ARG1: variants seen among roughly 807,000 people sequenced by gnomAD.
The protein encoded by ARG1 is arginase 1, also known as arginase-1.
Under a neutral mutation model 33.0 loss-of-function variants are expected in ARG1, and 20 were observed. That is an observed-to-expected ratio of 0.61 (90% confidence interval 0.43 to 0.88). The LOEUF is 0.88. Among genes scored for constraint, ARG1 ranks in the 40% least tolerant of loss-of-function variants. The probability of loss-of-function intolerance (pLI) is 0.00; values close to 1 mark genes in which losing one functional copy is unlikely to be tolerated. For missense variants in ARG1, 374 were observed against 384.7 expected (o/e 0.97, Z 0.23); for synonymous variants, 146 against 140.6 (o/e 1.04, Z -0.27).
At chr6:131,574,076 C>T in intron 1 of ARG1, 4 of 612,268 alleles carry the variant, frequency 6.5e-6, no homozygotes, top group Admixed American at 5.2e-5. Flanking sequence ...TTTTTTTCTG[C>T]CTGGGCACAC....
chr6:131,583,899 A>C lies in ARG1; in HGVS notation c.960A>C (p.Pro320=). The part of the protein sequence containing the change: ...GNHKPIDYLN[P]PK ...ACAAGCCTATTGACTACCTTAACCC[A>C]CCTAAGTAAATGTGGAAACATCCGA... Residue 320 remains proline, a synonymous_variant, in exon 8 of 8, where the codon CCA becomes CCC. Transcript: ENST00000368087. 1 of 1,614,018 alleles carries C rather than the reference A, an allele frequency of 6.2e-7. No individual in the cohort carries two copies. Among genetic ancestry groups the C allele is most frequent in the South Asian group, 1.1e-5 (1 of 91,066 alleles).
intron 2 of ARG1, 125 bp downstream of exon 2, chr6:131,576,860 C>T (rs955747255): frequency 1.8e-5 from 15 of 811,198 alleles, no homozygotes; most frequent in African/African-American, 5.1e-5. Flanking sequence ...GGTTACAACC[C>T]GAGAAACACA....
rs765495464 is a variant in ARG1 at position 131,583,413 on chromosome 6, C to T, written c.724C>T (p.Pro242Ser). The T allele has an allele frequency of 3.1e-5, 50 of 1,614,016 alleles. No homozygotes were observed. The highest frequency in any genetic ancestry group is 4.0e-5 in the Non-Finnish European group (47 of 1,180,006). ...TGACGGACTGGACCCATCTTTCACA[C>T]CAGCTACTGGCACACCAGTCGTGGG... ...DVDGLDPSFT[P>S]ATGTPVVGGL... is the part of the protein sequence containing the mutation. The change falls in exon 7 of 8, where the codon CCA becomes TCA. Residue 242 changes from proline to serine, a missense_variant. Coordinates refer to ENST00000368087, the MANE Select transcript of ARG1 (RefSeq NM_000045.4).
intron 1 of ARG1, chr6:131,574,446 T>C (rs1188651589): frequency 1.3e-5 from 11 of 839,666 alleles, no homozygotes; most frequent in Non-Finnish European, 2.0e-5. Context: ...CCTTTTAAAA[T>C]CCACACTGTT....
intron 3 of ARG1, among the ~76,000 whole-genome samples, chr6:131,580,802 T>G (rs1773881143): frequency 6.6e-6 from 1 of 152,206 alleles, no homozygotes; most frequent in Non-Finnish European, 1.5e-5. Flanking sequence ...CATAATTCAC[T>G]TGAGAGAATT....
rs76770001 is a variant in ARG1 at position 131,578,468 on chromosome 6, T to G, written c.131-643T>G. 4.3e-4 allele frequency among the ~76,000 whole-genome samples: 65 copies of G among 152,224 alleles called. No individual in the cohort carries two copies. The South Asian group carries it at 0.013, about 31-fold the overall frequency. ...GGGAGCACACCCAGTCCTTAGGAAT[T>G]TGGGGTTACCTGCAATTTTTCCTTA... On this transcript the variant is annotated intron_variant, in intron 2 of 7. Transcript: ENST00000368087.
rs1171036648 is a variant in ARG1, at chr6:131,582,668, C to G, written c.513C>G (p.Ala171=). Residue 171 remains alanine (A), a synonymous_variant, in exon 5 of 8, where the codon GCC becomes GCG. Coordinates refer to ENST00000368087, the MANE Select transcript of ARG1 (RefSeq NM_000045.4). ...CCTGGGTGACTCCCTGTATATCTGC[C>G]AAGGATATTGTGTATATTGGCTTGA... ...GFSWVTPCIS[A]KDIVYIGLRD... is the part of the protein sequence containing the mutation. The G allele has an allele frequency of 6.2e-7, 1 of 1,613,794 alleles. No homozygotes were observed.
chr6:131,573,648 A>G (rs1364367897), intron 1 of ARG1, among the ~76,000 whole-genome samples: 1 of 152,122 alleles, frequency 6.6e-6, no homozygotes, highest in Non-Finnish European at 1.5e-5. Flanking sequence ...GTAGCTACTC[A>G]TTGAGGTTTA....
At chr6:131,582,015 A>G (rs1413250275) in intron 4 of ARG1, among the ~76,000 whole-genome samples, 1 of 152,198 alleles carries the variant, frequency 6.6e-6, no homozygotes, top group Non-Finnish European at 1.5e-5. Flanking sequence ...TTGATATGCC[A>G]TAGTATATCA....
intron 6 of ARG1, 82 bp from the exon 7 acceptor site, chr6:131,583,273 T>TA (rs1774031937): frequency 6.2e-7 from 1 of 1,609,238 alleles, no homozygotes; most frequent in African/African-American, 1.3e-5. Context: ...TGCTACTTTT[T>TA]ATAAAACAAG....
Position 131,583,778 on chromosome 6 carries a change from C to A in ARG1, c.839C>A (p.Pro280Gln), listed in dbSNP as rs1473029048. 1.9e-6 allele frequency: 3 copies of A among 1,614,006 alleles called. No homozygotes were observed. The South Asian group carries it at 3.3e-5, about 18-fold the overall frequency. The stretch of plus-strand genomic sequence containing the variant: ...GGATTAGATATAATGGAAGTGAACC[C>A]ATCCCTGGGGAAGACACCAGAAGAA... ...LSGLDIMEVN[P>Q]SLGKTPEEVT... Residue 280 changes from proline to glutamine, a missense_variant, in exon 8 of 8, where the codon CCA becomes CAA. Pro to Gln is a moderately conservative substitution (Grantham distance 76). Transcript: ENST00000368087.
intron 3 of ARG1, among the ~76,000 whole-genome samples, chr6:131,579,857 T>A (rs1035646675): frequency 2.1e-4 from 31 of 149,220 alleles, no homozygotes; most frequent in South Asian, 6.4e-4. Context: ...TGTGTGTGTG[T>A]GAGAGAGAGA....
chr6:131,583,980 G>C lies in ARG1; in HGVS notation c.*72G>C. The C allele has an allele frequency of 6.5e-7, 1 of 1,536,374 alleles. No individual in the cohort carries two copies. The highest frequency in any genetic ancestry group is 9.0e-7 in the Non-Finnish European group (1 of 1,115,160). Reference sequence around the variant, plus strand: ...AAAGCTAATCATTTTCTTAAGCATAGAGTTATCCTTCTAAAGACTTGTTCT... The same window carrying C: ...AAAGCTAATCATTTTCTTAAGCATACAGTTATCCTTCTAAAGACTTGTTCT... On this transcript the variant is annotated 3_prime_UTR_variant, in exon 8 of 8. Coordinates refer to ENST00000368087, the MANE Select transcript of ARG1 (RefSeq NM_000045.4).
chr6:131,579,346 GAA>G, intron 3 of ARG1, 61 bp downstream of exon 3: 4 of 1,578,372 alleles, frequency 2.5e-6, no homozygotes, highest in Non-Finnish European at 3.5e-6. Flanking sequence ...AAGGCCATAA[GAA>G]GAGAGAAAAT....
intron 4 of ARG1, 82 bp downstream of exon 4, chr6:131,581,460 A>G: frequency 7.1e-7 from 1 of 1,405,162 alleles, no homozygotes; most frequent in South Asian, 1.2e-5. Flanking sequence ...GAGAAACTCC[A>G]TGTTATCTTA....
intron 2 of ARG1, among the ~76,000 whole-genome samples, chr6:131,577,644 G>A (rs1219477316): frequency 6.6e-6 from 1 of 152,038 alleles, no homozygotes; most frequent in Non-Finnish European, 1.5e-5. Flanking sequence ...GCTGAGGCCT[G>A]TAATCCTATC....
chr6:131,579,057 G>GAC, intron 2 of ARG1, 54 bp from the exon 3 acceptor site: 1 of 1,589,674 alleles, frequency 6.3e-7, no homozygotes, highest in Non-Finnish European at 8.6e-7. Flanking sequence ...ATCCTACACA[G>GAC]ACTGATTTAT....
intron 4 of ARG1, 36 bp from the exon 5 acceptor site, chr6:131,582,585 A>C (rs760349584): frequency 1.3e-6 from 2 of 1,529,236 alleles, no homozygotes. Flanking sequence ...GTTCAAGAGA[A>C]TCATACATAA....
rs572074133 is a variant in ARG1 at position 131,583,552 on chromosome 6, C to T, written c.802+61C>T. On this transcript the variant is annotated intron_variant, in intron 7 of 7. Transcript: ENST00000368087. The stretch of plus-strand genomic sequence containing the variant: ...TACACTTGACTAATATATATTTATA[C>T]CTCCTTGACCTGAAACCAAGTCCCA... 25 of 1,470,376 alleles carry T rather than the reference C, an allele frequency of 1.7e-5. No individual in the cohort carries two copies. In the African/African-American group the frequency reaches 3.4e-4, roughly 20 times the overall value. 91.1% of individuals were successfully genotyped at this position (1,470,376 alleles called of 1,614,324 possible). A position where few individuals can be genotyped will look rare whatever the true frequency, so the allele number is the denominator to read the frequency against.
Sources: gnomAD v4.1 joint callset for allele counts (sites outside exome capture counted in the v4.1 genomes callset) on GRCh38, gnomAD v4.1.1 for gene constraint, MANE v1.5 for transcripts, NCBI Gene and HGNC (gene_info 2026-07-23, HGNC 2026-07-21) for gene names.